Variants in CEP128 observed in about 807,000 individuals in gnomAD.
The protein encoded by CEP128 is centrosomal protein 128kDa.
CEP128 carries 132 observed loss-of-function variants against 156.7 expected under a neutral mutation model. That is an observed-to-expected ratio of 0.84 (90% confidence interval 0.73 to 0.97). The LOEUF (loss-of-function observed/expected upper bound fraction) is 0.97. Ranked by LOEUF, CEP128 falls within the 50% of genes least tolerant of loss-of-function variation. CEP128 has a pLI of 0.00. For missense variants in CEP128, 1,252 were observed against 1,281.9 expected (o/e 0.98, Z 0.36); for synonymous variants, 469 against 448.9 (o/e 1.04, Z -0.57).
At chr14:80,560,860 A>G (rs1056102872) in intron 20 of CEP128, among the ~76,000 whole-genome samples, 1 of 152,068 alleles carries the variant, frequency 6.6e-6, no homozygotes, top group Non-Finnish European at 1.5e-5. Flanking sequence ...GGACCTTGTG[A>G]TCGTGCAAGT....
intron 13 of CEP128, among the ~76,000 whole-genome samples, chr14:80,823,629 T>C (rs1885312726): frequency 6.6e-6 from 1 of 150,754 alleles, no homozygotes; most frequent in South Asian, 2.1e-4. Flanking sequence ...AACTCCAAAA[T>C]GATCTCCTTT....
At chr14:80,687,388 C>T (rs10138442) in intron 19 of CEP128, among the ~76,000 whole-genome samples, 17,938 of 152,074 alleles carry the variant, frequency 0.12, 1,411 homozygotes, top group South Asian at 0.24. Flanking sequence ...CCATGGAATA[C>T]TATGCAGCCA....
At chr14:80,902,109 C>A (rs1404397845) in intron 6 of CEP128, among the ~76,000 whole-genome samples, 1 of 152,178 alleles carries the variant, frequency 6.6e-6, no homozygotes, top group African/African-American at 2.4e-5. Context: ...ATGTCCTCTA[C>A]CATACAATTC....
chr14:80,683,377 G>A (rs971615224), intron 19 of CEP128, among the ~76,000 whole-genome samples: 1 of 151,902 alleles, frequency 6.6e-6, no homozygotes, highest in South Asian at 2.1e-4. Flanking sequence ...AAAGAAGGAT[G>A]GTACATAAAG....
intron 19 of CEP128, among the ~76,000 whole-genome samples, chr14:80,613,008 T>A (rs1177120953): frequency 2.3e-4 from 2 of 8,820 alleles, no homozygotes; most frequent in African/African-American, 2.9e-4. Context: ...ACCCGGCGAA[T>A]TTTTTTTTTT....
chr14:80,863,503 C>T (rs370056834), intron 8 of CEP128, among the ~76,000 whole-genome samples: 33 of 152,196 alleles, frequency 2.2e-4, no homozygotes, highest in East Asian at 9.6e-4. Context: ...GGACTCTAAA[C>T]GTGAAAGAAT....
chr14:80,906,226 T>C, intron 4 of CEP128, 145 bp from the exon 5 acceptor site: 1 of 586,466 alleles, frequency 1.7e-6, no homozygotes, highest in Non-Finnish European at 2.8e-6. Context: ...CTAAGTTATG[T>C]TTAAAATATA....
At chr14:80,849,150 A>G (rs1011098676) in intron 9 of CEP128, among the ~76,000 whole-genome samples, 1 of 152,172 alleles carries the variant, frequency 6.6e-6, no homozygotes, top group African/African-American at 2.4e-5. Flanking sequence ...ACAGGAGAAA[A>G]GGAGAGGCAA....
At chr14:80,601,238 A>G (rs916904278) in intron 19 of CEP128, among the ~76,000 whole-genome samples, 2 of 152,160 alleles carry the variant, frequency 1.3e-5, no homozygotes, top group African/African-American at 4.8e-5. Flanking sequence ...GTTTCCTTGT[A>G]AGTATATAAG....
At chr14:80,717,775 A>G (rs1897662098) in intron 19 of CEP128, among the ~76,000 whole-genome samples, 2 of 152,154 alleles carry the variant, frequency 1.3e-5, no homozygotes. Context: ...ATGTCATTTC[A>G]CACATACCCA....
intron 2 of CEP128, among the ~76,000 whole-genome samples, chr14:80,929,975 G>A (rs1885365733): frequency 6.6e-6 from 1 of 152,188 alleles, no homozygotes; most frequent in African/African-American, 2.4e-5. Flanking sequence ...TGTATTTACA[G>A]CTGCCCCCTT....
intron 16 of CEP128, among the ~76,000 whole-genome samples, chr14:80,777,592 T>C (rs1272406539): frequency 6.6e-6 from 1 of 152,262 alleles, no homozygotes; most frequent in Admixed American, 6.5e-5. Flanking sequence ...TGACTTATAG[T>C]AGATCCTCAA....
chr14:80,865,009 C>T (rs994028932), intron 8 of CEP128, among the ~76,000 whole-genome samples: 34 of 152,170 alleles, frequency 2.2e-4, no homozygotes, highest in African/African-American at 7.2e-4. Context: ...CCATTTTGTA[C>T]ATTAGCTCTC....
intron 18 of CEP128, among the ~76,000 whole-genome samples, chr14:80,751,936 C>T (rs1899419670): frequency 6.6e-6 from 1 of 152,028 alleles, no homozygotes; most frequent in Non-Finnish European, 1.5e-5. Flanking sequence ...CAGGTAATGG[C>T]ATTTTTTAAA....
At chr14:80,653,484 T>G (rs543753967) in intron 19 of CEP128, among the ~76,000 whole-genome samples, 7 of 152,282 alleles carry the variant, frequency 4.6e-5, no homozygotes, top group African/African-American at 1.7e-4. Flanking sequence ...AGATAAGTGA[T>G]AAGGGTGGCT....
intron 2 of CEP128, among the ~76,000 whole-genome samples, chr14:80,919,023 T>G (rs1373485893): frequency 6.6e-6 from 1 of 152,170 alleles, no homozygotes; most frequent in African/African-American, 2.4e-5. Context: ...TTTTAACAAG[T>G]CATAATTCTG....
chr14:80,822,601 G>C, intron 13 of CEP128: 2 of 712,682 alleles, frequency 2.8e-6, no homozygotes, highest in Non-Finnish European at 5.3e-6. Context: ...GAAGATCCAT[G>C]AGGTTGTCAG....
intron 2 of CEP128, among the ~76,000 whole-genome samples, chr14:80,923,812 GTAATCCCCA>G (rs1168552135): frequency 2.0e-5 from 3 of 152,142 alleles, no homozygotes; most frequent in Non-Finnish European, 4.4e-5. Flanking sequence ...ATCTTAAATT[GTAATCCCCA>G]TAATCCCCAT....
chr14:80,788,839 G>GA (rs1901557316), intron 14 of CEP128, among the ~76,000 whole-genome samples: 1 of 152,090 alleles, frequency 6.6e-6, no homozygotes, highest in Admixed American at 6.6e-5. Flanking sequence ...GAGGGTAAGA[G>GA]AAAATCCCAA....
Sources: allele counts gnomAD v4.1 joint callset (sites outside exome capture counted in the v4.1 genomes callset), GRCh38; gene constraint gnomAD v4.1.1; transcripts MANE v1.5; gene names NCBI Gene and HGNC (gene_info 2026-07-23, HGNC 2026-07-21).